The following FAM124B variants were observed in gnomAD, a reference collection of about 807,000 sequenced individuals.
The protein encoded by FAM124B is protein FAM124B.
A neutral mutation model predicts 19.7 loss-of-function variants in FAM124B; 18 were observed. The ratio of observed to expected loss-of-function variants is 0.92; its 90% CI spans 0.63 to 1.36. FAM124B has a LOEUF of 1.36. FAM124B is among the 40% of genes most tolerant of loss of function. FAM124B has a pLI of 0.00. For missense variants in FAM124B, 540 were observed against 553.3 expected (o/e 0.98, Z 0.24); for synonymous variants, 223 against 225.2 (o/e 0.99, Z 0.09).
intron 1 of FAM124B, among the ~76,000 whole-genome samples, chr2:224,381,584 T>A (rs538244003): frequency 1.3e-5 from 2 of 152,300 alleles, no homozygotes; most frequent in South Asian, 4.1e-4. Context: ...TGAAAACTAC[T>A]CTGCATGATA....
chr2:224,399,360 G>A (rs1397253186), intron 1 of FAM124B, among the ~76,000 whole-genome samples: 2 of 152,212 alleles, frequency 1.3e-5, no homozygotes, highest in African/African-American at 2.4e-5. Context: ...AACAGTGCCT[G>A]TCTACCTTAT....
rs781546713 is a variant in FAM124B, at chr2:224,401,551, A to C, written c.218T>G (p.Leu73Arg). The C allele has an allele frequency of 6.2e-7, 1 of 1,614,072 alleles. No homozygotes were observed. Among genetic ancestry groups the C allele is most frequent in the Non-Finnish European group, 8.5e-7 (1 of 1,180,016 alleles). ...RFPGMSVLLF[L>R]HESPGEDRLF... Reference sequence around the variant, plus strand: ...CCTATCCTCTCCCGGGCTTTCGTGCAGGAAGAGCAACACGGACATCCCTGG... The same window carrying C: ...CCTATCCTCTCCCGGGCTTTCGTGCCGGAAGAGCAACACGGACATCCCTGG... The change falls in exon 1 of 2, where the codon CTG (leucine) becomes CGG (arginine). Residue 73 changes from leucine to arginine, a missense_variant. By Grantham distance (102) the Leu-to-Arg change is moderately radical (BLOSUM62 -2). Coordinates refer to ENST00000409685, the MANE Select transcript of FAM124B (RefSeq NM_001122779.2).
chr2:224,381,967 TACACACAC>T (rs150639921), intron 1 of FAM124B, among the ~76,000 whole-genome samples: 1 of 151,128 alleles, frequency 6.6e-6, no homozygotes, highest in Non-Finnish European at 1.5e-5. Flanking sequence ...CTCTCTCTCA[TACACACAC>T]ACACACACTC....
chr2:224,390,773 C>T (rs191838200), intron 1 of FAM124B, among the ~76,000 whole-genome samples: 485 of 151,276 alleles, frequency 3.2e-3, no homozygotes, highest in African/African-American at 6.9e-3. Flanking sequence ...CGATCTCGGC[C>T]CACTGCAACC....
intron 1 of FAM124B, among the ~76,000 whole-genome samples, chr2:224,387,303 ACT>A (rs1234029335): frequency 9.2e-5 from 14 of 152,316 alleles, no homozygotes; most frequent in African/African-American, 3.4e-4. Context: ...CTCATTTATA[ACT>A]CTGAACTCTT....
intron 1 of FAM124B, among the ~76,000 whole-genome samples, chr2:224,393,386 C>A (rs541651070): frequency 6.6e-6 from 1 of 152,210 alleles, no homozygotes; most frequent in Non-Finnish European, 1.5e-5. Flanking sequence ...TGTTCTGTTA[C>A]TTATCTGTCC....
At position 224,379,800 on chromosome 2, in the gene FAM124B, C is replaced by T. The variant is rs189643068; in HGVS notation, c.1141G>A (p.Gly381Arg). The T allele has an allele frequency of 1.5e-4, 228 of 1,551,738 alleles. 2 individuals are homozygous for T. The Admixed American group carries it at 3.2e-3, about 22-fold the overall frequency. The part of the protein sequence containing the change: ...NSEPRQTYFG[G>R]FPRDLQTSQP... ...CTGGTCTGTAAATCCCTTGGAAATCCGCCAAAATAAGTCTGCCTGGGTTCA... is the reference window on the plus strand; with the variant it reads ...CTGGTCTGTAAATCCCTTGGAAATCTGCCAAAATAAGTCTGCCTGGGTTCA... Residue 381 changes from glycine (G) to arginine (R), a missense_variant, in exon 2 of 2, where the codon GGA becomes AGA. Gly to Arg is a moderately radical substitution (Grantham distance 125, BLOSUM62 -2). Coordinates refer to ENST00000409685, the MANE Select transcript of FAM124B (RefSeq NM_001122779.2).
At chr2:224,397,820 A>G (rs1315703894) in intron 1 of FAM124B, among the ~76,000 whole-genome samples, 1 of 152,202 alleles carries the variant, frequency 6.6e-6, no homozygotes, top group Non-Finnish European at 1.5e-5. Context: ...GAAATTTTTA[A>G]GCAGCAAAGC....
chr2:224,394,670 G>A (rs1689941438), intron 1 of FAM124B, among the ~76,000 whole-genome samples: 1 of 152,070 alleles, frequency 6.6e-6, no homozygotes, highest in South Asian at 2.1e-4. Flanking sequence ...ATCCCATTTT[G>A]TGTCCTCCTG....
intron 1 of FAM124B, among the ~76,000 whole-genome samples, chr2:224,396,291 A>T (rs1044437689): frequency 2.0e-5 from 3 of 151,946 alleles, no homozygotes; most frequent in Admixed American, 6.6e-5. Context: ...CCACACCAAC[A>T]TCGTCACCCA....
rs900279725 is a variant in FAM124B at position 224,400,317 on chromosome 2, G to A, written c.732+720C>T. Reference sequence around the variant, plus strand: ...AAACTTAACATCCCTAAACAAGCTCGGCCAACATAGTGAGACCCCGTCTCT... The same window carrying A: ...AAACTTAACATCCCTAAACAAGCTCAGCCAACATAGTGAGACCCCGTCTCT... On this transcript the variant is annotated intron_variant, in intron 1 of 1. Coordinates refer to ENST00000409685, the MANE Select transcript of FAM124B (RefSeq NM_001122779.2). 3 of 570,976 alleles carry A rather than the reference G, an allele frequency of 5.3e-6. No individual in the cohort carries two copies. The African/African-American group carries it at 5.6e-5, about 11-fold the overall frequency. The allele number at this position is 570,976 out of a possible 1,614,324, so 35.4% of individuals were successfully genotyped here. A position where few individuals can be genotyped will look rare whatever the true frequency, so the allele number is the denominator to read the frequency against.
intron 1 of FAM124B, among the ~76,000 whole-genome samples, chr2:224,381,704 G>A (rs181217389): frequency 2.1e-4 from 32 of 152,178 alleles, no homozygotes; most frequent in African/African-American, 4.8e-4. Context: ...GTGATGTGTC[G>A]TTGTAGGTTG....
In FAM124B at chr2:224,379,972, G is replaced by C; in HGVS notation, c.969C>G (p.Val323=). The change falls in exon 2 of 2, where the codon GTC becomes GTG. Residue 323 remains valine (V), a synonymous_variant. Transcript: ENST00000409685. ...GGTGGGCACCCATAGCTGGGCTGCT[G>C]ACCTGGAATGACCGGCCAGGGCTTT... ...SWKSPGRSFQ[V]SSPAMGAHLH... 6.4e-7 allele frequency: 1 copy of C among 1,551,746 alleles called. No individual in the cohort carries two copies. Among genetic ancestry groups the C allele is most frequent in the Admixed American group, 2.0e-5 (1 of 51,006 alleles).
intron 1 of FAM124B, among the ~76,000 whole-genome samples, chr2:224,396,303 G>A (rs1351769323): frequency 5.9e-5 from 9 of 151,972 alleles, no homozygotes; most frequent in East Asian, 1.9e-4. Flanking sequence ...CGTCACCCAC[G>A]GTCACCTGTT....
intron 1 of FAM124B, among the ~76,000 whole-genome samples, chr2:224,386,953 A>T (rs188949245): frequency 3.9e-4 from 59 of 151,706 alleles, no homozygotes; most frequent in African/African-American, 1.4e-3. Context: ...ACATTTGTGC[A>T]ATCTTCTTAA....
chr2:224,383,084 T>C (rs1222032763), intron 1 of FAM124B, among the ~76,000 whole-genome samples: 2 of 152,002 alleles, frequency 1.3e-5, no homozygotes, highest in African/African-American at 2.4e-5. Context: ...TGCAAACCCA[T>C]AGGAGAAATT....
At chr2:224,397,597 T>C (rs1316224326) in intron 1 of FAM124B, among the ~76,000 whole-genome samples, 2 of 152,146 alleles carry the variant, frequency 1.3e-5, no homozygotes, top group Non-Finnish European at 2.9e-5. Flanking sequence ...TCCTAGAGAT[T>C]TGTTGAATGA....
rs749569689 is a variant in FAM124B at position 224,379,769 on chromosome 2, G to A, written c.1172C>T (p.Pro391Leu). 2 of 1,551,642 alleles carry A rather than the reference G, an allele frequency of 1.3e-6. No homozygotes were observed. The highest frequency in any genetic ancestry group is 2.0e-5 in the Admixed American group (1 of 50,992). ...GFPRDLQTSQ[P>L]PFCLPASSLG... ...GGAAGAGGCTGGCAAGCAGAATGGT[G>A]GCTGGCTGGTCTGTAAATCCCTTGG... The change falls in exon 2 of 2, where the codon CCA becomes CTA. Residue 391 changes from proline to leucine, a missense_variant. Pro to Leu is a moderately conservative substitution (Grantham distance 98, BLOSUM62 -3). Coordinates refer to ENST00000409685, the MANE Select transcript of FAM124B (RefSeq NM_001122779.2).
At chr2:224,385,029 C>T (rs1359986460) in intron 1 of FAM124B, among the ~76,000 whole-genome samples, 2 of 152,142 alleles carry the variant, frequency 1.3e-5, no homozygotes, top group African/African-American at 4.8e-5. Context: ...TTTCTCTGTC[C>T]TCCCCTTCAC....
Sources: allele counts gnomAD v4.1 joint callset (sites outside exome capture counted in the v4.1 genomes callset), GRCh38; gene constraint gnomAD v4.1.1; transcripts MANE v1.5; gene names NCBI Gene and HGNC (gene_info 2026-07-23, HGNC 2026-07-21).